The following DPH6 variants were observed in gnomAD, a reference collection of about 807,000 sequenced individuals.
DPH6 encodes diphthamine biosynthesis 6.
Under a neutral mutation model 38.2 loss-of-function variants are expected in DPH6, and 33 were observed. The ratio of observed to expected loss-of-function variants is 0.86; its 90% CI spans 0.65 to 1.15. DPH6 has a LOEUF of 1.15. Ranked by LOEUF, DPH6 falls within the 50% of genes most tolerant of loss-of-function variation. DPH6 has a pLI of 0.00. For missense variants in DPH6, 325 were observed against 320.0 expected, an observed-to-expected ratio of 1.02 and a Z score of -0.12; for synonymous variants, 108 against 103.0, an observed-to-expected ratio of 1.05 and a Z score of -0.30.
the DPH6 span, among the ~76,000 whole-genome samples, chr15:35,210,228 T>G: frequency 6.6e-6 from 1 of 152,198 alleles, no homozygotes; most frequent in Non-Finnish European, 1.5e-5. Flanking sequence ...ACTACTCTCT[T>G]CATTCAAGCT....
chr15:35,405,465 T>C (rs537991817), intron 6 of DPH6, among the ~76,000 whole-genome samples: 1 of 152,148 alleles, frequency 6.6e-6, no homozygotes, highest in African/African-American at 2.4e-5. Flanking sequence ...TTTGTGGCTA[T>C]TGTAAATGGG....
At chr15:35,328,653 A>G (rs889208812), downstream of DPH6, among the ~76,000 whole-genome samples, 4 of 152,224 alleles carry the variant, frequency 2.6e-5, no homozygotes, top group Non-Finnish European at 5.9e-5. Context: ...AAACTAAAGA[A>G]GAATCCTTGT....
At chr15:35,155,565 G>C in the DPH6 span, among the ~76,000 whole-genome samples, 1 of 152,226 alleles carries the variant, frequency 6.6e-6, no homozygotes, top group Non-Finnish European at 1.5e-5. Flanking sequence ...GAAGGGCAAA[G>C]GGAGACTACG....
intron 3 of DPH6, among the ~76,000 whole-genome samples, chr15:35,516,456 T>G (rs1203981178): frequency 2.0e-5 from 3 of 152,176 alleles, no homozygotes; most frequent in Admixed American, 2.0e-4. Flanking sequence ...CTACTACTAG[T>G]CTTACTTTAC....
the DPH6 span, among the ~76,000 whole-genome samples, chr15:35,152,688 G>A: frequency 1.3e-5 from 2 of 152,050 alleles, no homozygotes; most frequent in East Asian, 1.9e-4. Context: ...TAGTAGAGAC[G>A]AGGTTTCACC....
rs755027584 is a variant in DPH6, at chr15:35,219,135, T to A, written n.1648A>T. On this transcript the variant is annotated non_coding_transcript_exon_variant, in exon 4 of 4. Coordinates refer to the DPH6 transcript ENST00000560386. The stretch of plus-strand genomic sequence containing the variant: ...CAAAGTGTAGTCTTCTCTTCCGTAA[T>A]GTGGTTGATATAAAGCAGCATCCTT... 9.8e-5 allele frequency: 15 copies of A among 152,296 alleles called. 1 individual carries two copies. In the South Asian group the frequency reaches 2.7e-3, roughly 27 times the overall value. The allele number at this position is 152,296 out of a possible 1,614,324, so 9.4% of individuals were successfully genotyped here.
At chr15:35,446,353 C>T (rs908809241) in intron 5 of DPH6, among the ~76,000 whole-genome samples, 6 of 151,704 alleles carry the variant, frequency 4.0e-5, no homozygotes, top group African/African-American at 1.4e-4. Context: ...GCCTCAGCCT[C>T]CCAAGTAGCT....
chr15:35,525,034 G>C lies in DPH6; in HGVS notation c.312+13240C>G, dbSNP rs112901320. 2.9e-3 allele frequency among the ~76,000 whole-genome samples: 436 copies of C among 152,244 alleles called. 2 individuals carry two copies. The highest frequency in any genetic ancestry group is 0.01 in the African/African-American group (424 of 41,548). The stretch of plus-strand genomic sequence containing the variant: ...ATACTTCTTATGGACAGGGCACCAT[G>C]ATGAGCACTGAAGAGTATTCAAATT... On this transcript the variant is annotated intron_variant, in intron 3 of 8. Transcript: ENST00000256538.
intron 5 of DPH6, among the ~76,000 whole-genome samples, chr15:35,419,136 A>C (rs2141009711): frequency 6.6e-6 from 1 of 151,926 alleles, no homozygotes; most frequent in South Asian, 2.1e-4. Context: ...CTTACTGGCT[A>C]ACAGAACAAG....
intron 2 of DPH6, among the ~76,000 whole-genome samples, chr15:35,541,917 T>G (rs1459266381): frequency 6.6e-6 from 1 of 152,144 alleles, no homozygotes; most frequent in African/African-American, 2.4e-5. Context: ...TGCTTTATGC[T>G]TCTCTCAAGT....
At chr15:35,508,944 C>T in intron 3 of DPH6, among the ~76,000 whole-genome samples, 1 of 152,174 alleles carries the variant, frequency 6.6e-6, no homozygotes, top group East Asian at 1.9e-4. Flanking sequence ...GGAATATCTA[C>T]TTCCTTTCAT....
At position 35,378,537 on chromosome 15, in the gene DPH6, T is replaced by C. The variant is rs892509858; in HGVS notation, c.662+3285A>G. ...AAAGACACATGCACATGTATGTTTA[T>C]TGTGGCACCATTCACATAGCAAAGA... On this transcript the variant is annotated intron_variant, in intron 7 of 8. Transcript: ENST00000256538. Among the ~76,000 whole-genome samples the C allele has an allele frequency of 3.3e-5, 5 of 152,212 alleles. 1 individual carries two copies. The highest frequency in any genetic ancestry group is 5.9e-5 in the Non-Finnish European group (4 of 68,044).
Position 35,419,078 on chromosome 15 carries a change from C to T in DPH6, c.506-8182G>A, listed in dbSNP as rs184888802. 6.2e-4 allele frequency among the ~76,000 whole-genome samples: 94 copies of T among 151,766 alleles called. 1 individual carries two copies. Among genetic ancestry groups the T allele is most frequent in the South Asian group, 1.7e-3 (8 of 4,800 alleles). ...TAAAACACACACACATACACACACA[C>T]ACACACACACACACACACTCTTGAA... On this transcript the variant is annotated intron_variant, in intron 5 of 8. Coordinates refer to ENST00000256538, the MANE Select transcript of DPH6 (RefSeq NM_080650.4).
rs575565552 is a variant in DPH6, at chr15:35,404,806, G to A, written c.567+6029C>T. Among the ~76,000 whole-genome samples the A allele has an allele frequency of 1.5e-3, 227 of 152,146 alleles. 1 individual carries two copies. Among genetic ancestry groups the A allele is most frequent in the African/African-American group, 5.3e-3 (219 of 41,540 alleles). ...ACTCAAGAAGTCTTTGCCCAGACCCGTGTCCTGGAGAAGTTCCCCAATGTG... is the reference window on the plus strand; with the variant it reads ...ACTCAAGAAGTCTTTGCCCAGACCCATGTCCTGGAGAAGTTCCCCAATGTG... On this transcript the variant is annotated intron_variant, in intron 6 of 8. Transcript: ENST00000256538.
At chr15:35,339,513 T>A (rs775111951) in intron 3 of DPH6, among the ~76,000 whole-genome samples, 13 of 151,936 alleles carry the variant, frequency 8.6e-5, no homozygotes, top group African/African-American at 1.5e-4. Flanking sequence ...TTAGTAGAAA[T>A]GGAGTTTCAT....
chr15:35,499,858 C>G (rs527279587), intron 3 of DPH6, among the ~76,000 whole-genome samples: 11 of 152,270 alleles, frequency 7.2e-5, no homozygotes, highest in African/African-American at 2.2e-4. Flanking sequence ...AAGTAACTTG[C>G]TAATAGCGCA....
intron 3 of DPH6, among the ~76,000 whole-genome samples, chr15:35,312,010 G>GAAAAAAAAAAAAAAAAAAAAAAA (rs10573455): frequency 9.8e-6 from 1 of 102,142 alleles, no homozygotes; most frequent in Admixed American, 1.1e-4. Context: ...TTAAGAAAAT[G>GAAAAAAAAAAAAAAAAAAAAAAA]AAAAAAAAAA....
At chr15:35,518,659 T>C (rs1260527917) in intron 3 of DPH6, among the ~76,000 whole-genome samples, 4 of 151,912 alleles carry the variant, frequency 2.6e-5, no homozygotes, top group African/African-American at 9.7e-5. Context: ...TAGTTCACAT[T>C]ACCAAGAAAT....
At chr15:35,383,730 T>C (rs1428195783) in intron 6 of DPH6, among the ~76,000 whole-genome samples, 2 of 152,212 alleles carry the variant, frequency 1.3e-5, no homozygotes, top group Non-Finnish European at 2.9e-5. Flanking sequence ...CAATATCTTC[T>C]GTGGCCTCTC....
Sources: gnomAD v4.1 joint callset for allele counts (sites outside exome capture counted in the v4.1 genomes callset) on GRCh38, gnomAD v4.1.1 for gene constraint, MANE v1.5 for transcripts, NCBI Gene and HGNC (gene_info 2026-07-23, HGNC 2026-07-21) for gene names.